Variants in CHRM3 observed in about 807,000 individuals in gnomAD.
CHRM3 encodes the protein muscarinic acetylcholine receptor M3.
CHRM3 carries 11 observed loss-of-function variants against 41.8 expected under a neutral mutation model. That is an observed-to-expected ratio of 0.26 (90% confidence interval 0.17 to 0.44). CHRM3 has a LOEUF of 0.44. Ranked by LOEUF, CHRM3 falls within the 20% of genes least tolerant of loss-of-function variation. CHRM3 has a pLI of 1.00. For missense variants in CHRM3, 571 were observed against 745.4 expected (o/e 0.77, Z 2.72); for synonymous variants, 297 against 301.4 (o/e 0.99, Z 0.15).
intron 1 of CHRM3, among the ~76,000 whole-genome samples, chr1:239,487,465 T>A (rs1667250607): frequency 6.6e-6 from 1 of 152,032 alleles, no homozygotes; most frequent in South Asian, 2.1e-4. Context: ...AAAGCCTCCA[T>A]GTACAATAGC....
At chr1:239,406,082 G>A (rs1015573041) in intron 1 of CHRM3, among the ~76,000 whole-genome samples, 3 of 152,022 alleles carry the variant, frequency 2.0e-5, no homozygotes, top group African/African-American at 7.2e-5. Context: ...AGTTGAGAAG[G>A]GGTTTCACCA....
At chr1:239,679,142 A>G (rs1440271847) in intron 5 of CHRM3, among the ~76,000 whole-genome samples, 1 of 152,202 alleles carries the variant, frequency 6.6e-6, no homozygotes, top group East Asian at 1.9e-4. Context: ...ACTAAGGGAT[A>G]CTTTATTACA....
In CHRM3 at chr1:239,404,421, A is replaced by AGAAG. The variant is rs1369980849; in HGVS notation, c.-521+17197_-521+17198insGGAA. On this transcript the variant is annotated intron_variant, in intron 1 of 6. Transcript: ENST00000676153. The stretch of plus-strand genomic sequence containing the variant: ...GAAAGAAAGAAAGAAAAAGAAAGAA[A>AGAAG]GAAAGAAAGAAAGAAAGAAAGAAAG... Among the ~76,000 whole-genome samples, 626 of 94,634 alleles carry AGAAG rather than the reference A, an allele frequency of 6.6e-3. 24 individuals carry two copies. The highest frequency in any genetic ancestry group is 0.026 in the African/African-American group (588 of 22,438). The allele number at this position is 94,634 out of a possible 152,430, so 62.1% of individuals were successfully genotyped here.
At chr1:239,459,532 A>T (rs1665203198) in intron 1 of CHRM3, among the ~76,000 whole-genome samples, 1 of 152,218 alleles carries the variant, frequency 6.6e-6, no homozygotes, top group African/African-American at 2.4e-5. Context: ...AAGAATGGTT[A>T]TAAGTATAAA....
intron 5 of CHRM3, among the ~76,000 whole-genome samples, chr1:239,821,766 T>C (rs1672071378): frequency 6.6e-6 from 1 of 152,224 alleles, no homozygotes; most frequent in Non-Finnish European, 1.5e-5. Flanking sequence ...TGATATGGTT[T>C]GGCTGTGTCC....
chr1:239,631,670 A>C (rs889771879), intron 3 of CHRM3, among the ~76,000 whole-genome samples: 4 of 152,146 alleles, frequency 2.6e-5, no homozygotes, highest in African/African-American at 9.7e-5. Flanking sequence ...TACACTTCAA[A>C]AAGGTGAACT....
chr1:239,771,327 G>T (rs1268382319), intron 5 of CHRM3, among the ~76,000 whole-genome samples: 1 of 151,954 alleles, frequency 6.6e-6, no homozygotes, highest in Non-Finnish European at 1.5e-5. Context: ...CTCTGCCCTG[G>T]ATTATTGGAA....
At chr1:239,527,508 G>A (rs1161575240) in intron 2 of CHRM3, among the ~76,000 whole-genome samples, 1 of 152,152 alleles carries the variant, frequency 6.6e-6, no homozygotes, top group Non-Finnish European at 1.5e-5. Flanking sequence ...TGTGACAACT[G>A]CATGACTTGC....
intron 5 of CHRM3, among the ~76,000 whole-genome samples, chr1:239,737,553 C>T (rs527590422): frequency 6.6e-6 from 1 of 152,296 alleles, no homozygotes; most frequent in South Asian, 2.1e-4. Context: ...TTTGACCTCA[C>T]TTGCTTTTAC....
chr1:239,551,215 T>C (rs1659790639), intron 3 of CHRM3, among the ~76,000 whole-genome samples: 1 of 130,424 alleles, frequency 7.7e-6, no homozygotes, highest in African/African-American at 3.0e-5. Context: ...CAGGCCAGAG[T>C]GCAATGGCGT....
chr1:239,485,430 A>G (rs1358218624), intron 1 of CHRM3, among the ~76,000 whole-genome samples: 2 of 152,254 alleles, frequency 1.3e-5, no homozygotes, highest in South Asian at 2.1e-4. Flanking sequence ...GGCTACAGGC[A>G]CATGCCACCA....
At chr1:239,703,450 C>T (rs1212922132) in intron 5 of CHRM3, 1 of 152,130 alleles carries the variant, frequency 6.6e-6, no homozygotes, top group Non-Finnish European at 1.5e-5. Flanking sequence ...TCAAGAAATT[C>T]ATGAAGGCAA....
chr1:239,816,549 G>T (rs1671602065), intron 5 of CHRM3, among the ~76,000 whole-genome samples: 2 of 152,012 alleles, frequency 1.3e-5, no homozygotes, highest in African/African-American at 4.8e-5. Context: ...TCAGAATGTT[G>T]CTCCCCAGGC....
intron 1 of CHRM3, among the ~76,000 whole-genome samples, chr1:239,434,273 G>A (rs1293682193): frequency 6.6e-6 from 1 of 152,158 alleles, no homozygotes; most frequent in Non-Finnish European, 1.5e-5. Context: ...TAGTTCTGCA[G>A]GCAACGTGTT....
At chr1:239,676,402 A>G (rs1024661645) in intron 4 of CHRM3, among the ~76,000 whole-genome samples, 1 of 152,116 alleles carries the variant, frequency 6.6e-6, no homozygotes, top group Non-Finnish European at 1.5e-5. Context: ...AAAAATGTGG[A>G]CCTGATCATA....
chr1:239,751,774 C>A lies in CHRM3; in HGVS notation c.-147+73486C>A, dbSNP rs553828575. Among the ~76,000 whole-genome samples the A allele has an allele frequency of 2.0e-3, 300 of 152,216 alleles. 1 individual carries two copies. The highest frequency in any genetic ancestry group is 6.9e-3 in the African/African-American group (288 of 41,534). ...TTTCTCATCTACAAAACAAGAACAA[C>A]AATAGGATCTACCTGATAAGATTCG... is the stretch of plus-strand genomic sequence containing the variant. On this transcript the variant is annotated intron_variant, in intron 5 of 6. Transcript: ENST00000676153.
chr1:239,410,316 T>C (rs1300850007), intron 1 of CHRM3, among the ~76,000 whole-genome samples: 2 of 152,194 alleles, frequency 1.3e-5, no homozygotes, highest in African/African-American at 2.4e-5. Flanking sequence ...AGGGGCCTTC[T>C]TCTCCTAAGC....
chr1:239,859,436 T>G (rs12091284), intron 6 of CHRM3, among the ~76,000 whole-genome samples: 3,884 of 150,074 alleles, frequency 0.026, 179 homozygotes, highest in African/African-American at 0.088. Flanking sequence ...TTTTTTGTTT[T>G]TTTTTTTGAG....
chr1:239,393,360 C>T (rs189940463), intron 1 of CHRM3, among the ~76,000 whole-genome samples: 5 of 152,146 alleles, frequency 3.3e-5, no homozygotes, highest in African/African-American at 1.2e-4. Context: ...AAAAGCACAA[C>T]TTCTGTTGTG....
Sources: gnomAD v4.1 joint callset for allele counts (sites outside exome capture counted in the v4.1 genomes callset) on GRCh38, gnomAD v4.1.1 for gene constraint, MANE v1.5 for transcripts, NCBI Gene and HGNC (gene_info 2026-07-23, HGNC 2026-07-21) for gene names.